The following TRAPPC9 variants were observed in gnomAD, a reference collection of about 807,000 sequenced individuals.
TRAPPC9 encodes the protein trafficking protein particle complex subunit 9.
TRAPPC9 carries 83 observed loss-of-function variants against 124.0 expected under a neutral mutation model. That is an observed-to-expected ratio of 0.67 (90% CI 0.56 to 0.80). The LOEUF is 0.80. Ranked by LOEUF, TRAPPC9 falls within the 30% of genes least tolerant of loss-of-function variation. The probability of loss-of-function intolerance (pLI) is 0.00; values close to 1 mark genes in which losing one functional copy is unlikely to be tolerated. For synonymous variants in TRAPPC9, 638 were observed against 617.5 expected (o/e 1.03, Z -0.49); for missense variants, 1,302 against 1,508.3 (o/e 0.86, Z 2.27).
chr8:140,125,519 T>TGGTGG (rs1410080244), intron 17 of TRAPPC9, among the ~76,000 whole-genome samples: 6 of 149,700 alleles, frequency 4.0e-5, no homozygotes, highest in Admixed American at 4.0e-4. Context: ...AAGGGGAAGG[T>TGGTGG]GTGCAGGGGA....
At chr8:139,806,868 G>C (rs369348987) in intron 21 of TRAPPC9, among the ~76,000 whole-genome samples, 1 of 152,214 alleles carries the variant, frequency 6.6e-6, no homozygotes, top group Non-Finnish European at 1.5e-5. Context: ...GCACACGCAC[G>C]GGGGAGAAGC....
chr8:140,421,426 T>G (rs1479701738), intron 5 of TRAPPC9, among the ~76,000 whole-genome samples: 1 of 152,234 alleles, frequency 6.6e-6, no homozygotes, highest in Non-Finnish European at 1.5e-5. Context: ...ATAATACGTC[T>G]AAGACATCTA....
chr8:140,164,589 G>A (rs1272084595), intron 17 of TRAPPC9, among the ~76,000 whole-genome samples: 2 of 152,182 alleles, frequency 1.3e-5, no homozygotes, highest in Non-Finnish European at 2.9e-5. Flanking sequence ...TTCTGTGGCT[G>A]TCTTCTCCCC....
Position 140,300,610 on chromosome 8 carries a change from C to T in TRAPPC9, c.1627G>A (p.Val543Met). Residue 543 changes from valine to methionine, a missense_variant, in exon 11 of 23, where the codon GTG (valine) becomes ATG (methionine). Physicochemically the swap from Val to Met is conservative, Grantham distance 21. Around this residue, in one of 3 missense-constraint regions of TRAPPC9, gnomAD observed 657 missense variants for 811.2 expected, o/e 0.81. Transcript: ENST00000438773. The part of the protein sequence containing the change: ...PFTKLPIVRH[V>M]KLLNLPASLR... ...CTAGCAGGAAGGTTCAATAGTTTCACATGCCTGTTGTTTCAAACAGAACAC... is the reference window on the plus strand; with the variant it reads ...CTAGCAGGAAGGTTCAATAGTTTCATATGCCTGTTGTTTCAAACAGAACAC... The T allele has an allele frequency of 1.9e-6, 3 of 1,614,232 alleles. No homozygotes were observed. Among genetic ancestry groups the T allele is most frequent in the Non-Finnish European group, 1.7e-6 (2 of 1,180,038 alleles).
At chr8:139,863,029 C>T (rs947901464) in intron 21 of TRAPPC9, among the ~76,000 whole-genome samples, 1 of 152,260 alleles carries the variant, frequency 6.6e-6, no homozygotes, top group African/African-American at 2.4e-5. Context: ...GGGGAGGGCT[C>T]TGAGGCCAGG....
chr8:140,316,537 G>A (rs954824982), intron 9 of TRAPPC9, among the ~76,000 whole-genome samples: 2 of 152,100 alleles, frequency 1.3e-5, no homozygotes, highest in African/African-American at 4.8e-5. Flanking sequence ...TCTTCATTCC[G>A]TTAATGTGAT....
At chr8:140,363,220 C>T (rs1028161527) in intron 8 of TRAPPC9, among the ~76,000 whole-genome samples, 1 of 152,184 alleles carries the variant, frequency 6.6e-6, no homozygotes, top group African/African-American at 2.4e-5. Context: ...TATACAGCAA[C>T]ACAAATAAGA....
intron 19 of TRAPPC9, among the ~76,000 whole-genome samples, chr8:139,950,892 A>G (rs1216925728): frequency 6.6e-6 from 1 of 152,218 alleles, no homozygotes; most frequent in East Asian, 1.9e-4. Flanking sequence ...GGCATGCGGC[A>G]AGAGGAGGCG....
At chr8:139,884,913 A>G (rs947242320) in intron 21 of TRAPPC9, among the ~76,000 whole-genome samples, 7 of 152,196 alleles carry the variant, frequency 4.6e-5, no homozygotes, top group African/African-American at 1.7e-4. Context: ...CTGCAGGATC[A>G]GGGGGTCTCC....
chr8:140,059,250 C>T (rs1842453298), intron 17 of TRAPPC9, among the ~76,000 whole-genome samples: 1 of 152,146 alleles, frequency 6.6e-6, no homozygotes, highest in Admixed American at 6.5e-5. Context: ...CATCTTTCAC[C>T]CAGCATGCTT....
intron 21 of TRAPPC9, among the ~76,000 whole-genome samples, chr8:139,806,826 G>A (rs769450496): frequency 2.6e-5 from 4 of 152,356 alleles, no homozygotes; most frequent in Non-Finnish European, 2.9e-5. Context: ...TCTCATGATG[G>A]GGAGAGAGAG....
intron 16 of TRAPPC9, among the ~76,000 whole-genome samples, chr8:140,249,220 C>T (rs997793698): frequency 2.0e-5 from 3 of 152,130 alleles, no homozygotes; most frequent in Admixed American, 6.5e-5. Context: ...CTGTTGCTGC[C>T]ACCTTTATGT....
intron 21 of TRAPPC9, among the ~76,000 whole-genome samples, chr8:139,821,836 C>G (rs953372661): frequency 4.6e-5 from 7 of 152,170 alleles, no homozygotes; most frequent in African/African-American, 1.4e-4. Flanking sequence ...GCCATAATAG[C>G]CTGGTAAATA....
At chr8:139,952,639 G>A (rs934665141) in intron 19 of TRAPPC9, among the ~76,000 whole-genome samples, 4 of 152,214 alleles carry the variant, frequency 2.6e-5, no homozygotes, top group African/African-American at 4.8e-5. Flanking sequence ...GGATGCCTAT[G>A]TTTGAGAACA....
intron 9 of TRAPPC9, among the ~76,000 whole-genome samples, chr8:140,351,672 A>T (rs1427548049): frequency 1.3e-5 from 2 of 152,222 alleles, no homozygotes; most frequent in African/African-American, 4.8e-5. Context: ...TGCAAATACT[A>T]TGCCATTTTA....
At chr8:139,863,802 C>A (rs1037073281) in intron 21 of TRAPPC9, among the ~76,000 whole-genome samples, 6 of 152,228 alleles carry the variant, frequency 3.9e-5, no homozygotes, top group African/African-American at 1.2e-4. Flanking sequence ...CTTGAAGCTG[C>A]AGCTAAAAAT....
At chr8:140,458,474 G>C (rs1297489863), upstream of TRAPPC9, 7 of 1,571,882 alleles carry the variant, frequency 4.5e-6, no homozygotes, top group East Asian at 9.5e-5. Flanking sequence ...CTCCAGGATC[G>C]CAGGGCCCGG....
chr8:140,047,821 T>A (rs996766242), intron 17 of TRAPPC9, among the ~76,000 whole-genome samples: 1 of 152,114 alleles, frequency 6.6e-6, no homozygotes, highest in Non-Finnish European at 1.5e-5. Context: ...CAGATCAGAC[T>A]CCAACCAGAC....
chr8:139,863,750 CA>C (rs1482802351), intron 21 of TRAPPC9, among the ~76,000 whole-genome samples: 1 of 152,238 alleles, frequency 6.6e-6, no homozygotes, highest in Non-Finnish European at 1.5e-5. Flanking sequence ...CAACCCCGAA[CA>C]TCACCCCACT....
Sources: gnomAD v4.1 joint callset for allele counts (sites outside exome capture counted in the v4.1 genomes callset) on GRCh38, gnomAD v4.1.1 for gene constraint, gnomAD v4.1.1 regional missense constraint, MANE v1.5 for transcripts, NCBI Gene and HGNC (gene_info 2026-07-23, HGNC 2026-07-21) for gene names.